CPED1: variants seen among roughly 807,000 people sequenced by gnomAD.
CPED1 encodes the protein cadherin like and PC-esterase domain containing 1, also known as cadherin-like and PC-esterase domain-containing protein 1.
CPED1 carries 114 observed loss-of-function variants against 128.2 expected under a neutral mutation model. That is an observed-to-expected ratio of 0.89 (90% confidence interval 0.76 to 1.04). CPED1 has a LOEUF of 1.04. Among genes scored for constraint, CPED1 ranks in the 50% least tolerant of loss-of-function variants. CPED1 has a pLI of 0.00. For missense variants in CPED1, 1,211 were observed against 1,207.1 expected (o/e 1.00, Z -0.05); for synonymous variants, 462 against 426.7 (o/e 1.08, Z -1.02).
At chr7:121,244,180 A>G in intron 17 of CPED1, 22 bp from the exon 18 acceptor site, 1 of 1,614,128 alleles carries the variant, frequency 6.2e-7, no homozygotes, top group Non-Finnish European at 8.5e-7. Flanking sequence ...AGAACCAAAG[A>G]AAGTTTTGCC....
chr7:121,200,999 C>T (rs116110553), intron 16 of CPED1, among the ~76,000 whole-genome samples: 63 of 152,116 alleles, frequency 4.1e-4, no homozygotes, highest in Middle Eastern at 3.4e-3. Flanking sequence ...CACAGAATCA[C>T]GTGTTGAAAG....
At chr7:121,246,829 G>T (rs1798548156) in intron 18 of CPED1, among the ~76,000 whole-genome samples, 1 of 152,156 alleles carries the variant, frequency 6.6e-6, no homozygotes, top group Non-Finnish European at 1.5e-5. Flanking sequence ...AAAAGTCCGT[G>T]CTTAAATGAG....
chr7:121,029,152 T>C (rs1792669082), intron 3 of CPED1, among the ~76,000 whole-genome samples: 1 of 152,162 alleles, frequency 6.6e-6, no homozygotes, highest in African/African-American at 2.4e-5. Context: ...TTGTAAATAA[T>C]GCAATCATAA....
At chr7:120,996,000 T>A (rs1011924224) in intron 2 of CPED1, among the ~76,000 whole-genome samples, 7 of 151,748 alleles carry the variant, frequency 4.6e-5, no homozygotes, top group African/African-American at 1.5e-4. Context: ...TCAATAACTC[T>A]GGGAGTGGTG....
intron 2 of CPED1, among the ~76,000 whole-genome samples, chr7:121,004,920 GT>G (rs1707260668): frequency 6.6e-6 from 1 of 152,136 alleles, no homozygotes; most frequent in South Asian, 2.1e-4. Flanking sequence ...TAAGAAGTAT[GT>G]TCACTGTATG....
chr7:121,236,578 G>GGAA (rs1798259772), intron 16 of CPED1, 136 bp from the exon 17 acceptor site: 1 of 472,326 alleles, frequency 2.1e-6, no homozygotes, highest in Admixed American at 3.5e-5. Flanking sequence ...TGATAAGCTA[G>GGAA]CAGGGGAAAG....
intron 16 of CPED1, among the ~76,000 whole-genome samples, chr7:121,226,694 CTTAATA>C (rs1001731555): frequency 6.6e-6 from 1 of 152,012 alleles, no homozygotes; most frequent in Non-Finnish European, 1.5e-5. Context: ...AAAAATCTCT[CTTAATA>C]TTAATTTACA....
chr7:121,223,357 G>C (rs2116627755), intron 16 of CPED1, among the ~76,000 whole-genome samples: 1 of 152,248 alleles, frequency 6.6e-6, no homozygotes, highest in Middle Eastern at 3.4e-3. Context: ...GATTTGGTTT[G>C]CCAGTATTTT....
chr7:121,118,638 G>A (rs1795311429), intron 7 of CPED1, among the ~76,000 whole-genome samples: 2 of 151,792 alleles, frequency 1.3e-5, no homozygotes, highest in Admixed American at 1.3e-4. Context: ...TTCTTGTGTT[G>A]CTGTGAGTAT....
intron 7 of CPED1, among the ~76,000 whole-genome samples, chr7:121,113,306 C>T (rs752072062): frequency 2.4e-4 from 36 of 152,198 alleles, no homozygotes; most frequent in Non-Finnish European, 4.4e-4. Flanking sequence ...TCTCAAAGAA[C>T]CCTCCAGTGG....
intron 5 of CPED1, among the ~76,000 whole-genome samples, chr7:121,095,561 T>A (rs763562483): frequency 6.6e-6 from 1 of 151,984 alleles, no homozygotes; most frequent in Non-Finnish European, 1.5e-5. Flanking sequence ...AATTTATTGA[T>A]ATATGTATAC....
chr7:120,997,259 T>G (rs1031092682), intron 2 of CPED1, among the ~76,000 whole-genome samples: 69 of 152,232 alleles, frequency 4.5e-4, no homozygotes, highest in Non-Finnish European at 8.8e-5. Flanking sequence ...TGAAGGAACA[T>G]TAGAATGTTA....
At chr7:121,283,476 A>G (rs1250428898) in intron 22 of CPED1, among the ~76,000 whole-genome samples, 3 of 152,226 alleles carry the variant, frequency 2.0e-5, no homozygotes, top group African/African-American at 7.2e-5. Flanking sequence ...TTGAGCATGC[A>G]ATGCATTCCA....
intron 16 of CPED1, among the ~76,000 whole-genome samples, chr7:121,171,123 C>T (rs1796641751): frequency 6.6e-6 from 1 of 151,832 alleles, no homozygotes; most frequent in Non-Finnish European, 1.5e-5. Context: ...CTAGTTTTGC[C>T]TACCAAGGAG....
At chr7:121,005,795 C>T (rs79677800) in intron 2 of CPED1, among the ~76,000 whole-genome samples, 2,690 of 152,190 alleles carry the variant, frequency 0.018, 80 homozygotes, top group African/African-American at 0.061. Flanking sequence ...TAATATCTTA[C>T]GCTTGTGTGG....
chr7:121,226,799 A>T (rs1395776256), intron 16 of CPED1, among the ~76,000 whole-genome samples: 1 of 152,086 alleles, frequency 6.6e-6, no homozygotes, highest in Non-Finnish European at 1.5e-5. Context: ...TTAATTATTT[A>T]TTGCTAATGT....
At chr7:121,121,098 T>C (rs1795375912) in intron 7 of CPED1, among the ~76,000 whole-genome samples, 1 of 151,692 alleles carries the variant, frequency 6.6e-6, no homozygotes, top group Non-Finnish European at 1.5e-5. Context: ...CAAGGTCTTA[T>C]GGGAGGATGG....
At chr7:121,290,580 T>C (rs1460508384) in intron 22 of CPED1, among the ~76,000 whole-genome samples, 3 of 152,248 alleles carry the variant, frequency 2.0e-5, no homozygotes, top group Non-Finnish European at 2.9e-5. Flanking sequence ...TTTTTTCATA[T>C]GTTTATTGGC....
chr7:121,007,777 A>G (rs957411603), intron 2 of CPED1, among the ~76,000 whole-genome samples: 1 of 152,124 alleles, frequency 6.6e-6, no homozygotes, highest in Non-Finnish European at 1.5e-5. Context: ...TACACATAGC[A>G]TTATTTGACC....
Sources: gnomAD v4.1 joint callset for allele counts (sites outside exome capture counted in the v4.1 genomes callset) on GRCh38, gnomAD v4.1.1 for gene constraint, MANE v1.5 for transcripts, NCBI Gene and HGNC (gene_info 2026-07-23, HGNC 2026-07-21) for gene names.